Variants in FCHSD2 observed in about 807,000 individuals in gnomAD.
The protein encoded by FCHSD2 is F-BAR and double SH3 domains protein 2.
In FCHSD2, 38 loss-of-function variants were observed where a neutral mutation model predicts 108.1. The ratio of observed to expected loss-of-function variants is 0.35; its 90% CI spans 0.27 to 0.46. The LOEUF is 0.46. FCHSD2 is among the 20% of genes least tolerant of loss of function. The pLI, the probability that FCHSD2 is intolerant of heterozygous loss-of-function variation, is 1.00. For missense variants in FCHSD2, 751 were observed against 897.8 expected, an observed-to-expected ratio of 0.84 and a Z score of 2.09; for synonymous variants, 279 against 314.7, an observed-to-expected ratio of 0.89 and a Z score of 1.20.
chr11:73,112,988 T>C (rs909355111), intron 2 of FCHSD2, among the ~76,000 whole-genome samples: 2 of 152,146 alleles, frequency 1.3e-5, no homozygotes, highest in African/African-American at 4.8e-5. Context: ...TTGCAGCTAC[T>C]TTCTAGATCT....
chr11:73,082,335 C>CCAAAAAAAAAA (rs1466695525), intron 3 of FCHSD2, among the ~76,000 whole-genome samples: 1 of 34,462 alleles, frequency 2.9e-5, no homozygotes, highest in African/African-American at 1.1e-4. Context: ...AGACTTGTCC[C>CCAAAAAAAAAA]AAAAAAAAAA....
intron 3 of FCHSD2, among the ~76,000 whole-genome samples, chr11:73,082,578 T>C (rs1450888991): frequency 6.6e-6 from 1 of 151,988 alleles, no homozygotes; most frequent in Non-Finnish European, 1.5e-5. Context: ...CAGAATTTCA[T>C]TAAAAAATCT....
rs138831216 is a variant in FCHSD2 at position 72,867,924 on chromosome 11, G to A, written c.1249C>T (p.Leu417=). ...GGGCGGGCCCATCGCTCATTTTCCA[G>A]TTCTTCCATTACTTGGTTCATGGCA... ...KSAMNQVMEE[L]ENERWARPPA... The change falls in exon 13 of 20, where the codon CTG becomes TTG. Residue 417 remains leucine (L), a synonymous_variant. Transcript: ENST00000409418. 79 of 1,610,516 alleles carry A rather than the reference G, an allele frequency of 4.9e-5. No individual in the cohort carries two copies. Among genetic ancestry groups the A allele is most frequent in the Non-Finnish European group, 6.2e-5 (73 of 1,178,642 alleles).
In FCHSD2 at chr11:73,064,235, C is replaced by G. The variant is rs186122986; in HGVS notation, c.165+19460G>C. Among the ~76,000 whole-genome samples the G allele has an allele frequency of 7.2e-5, 11 of 152,012 alleles. No individual in the cohort carries two copies. In the East Asian group the frequency reaches 2.1e-3, roughly 29 times the overall value. Reference sequence around the variant, plus strand: ...CAGAAATAAAGATGTTCTTTGAAACCAATGAGAACAAAGACACAACGTGCC... The same window carrying G: ...CAGAAATAAAGATGTTCTTTGAAACGAATGAGAACAAAGACACAACGTGCC... On this transcript the variant is annotated intron_variant, in intron 3 of 19. Transcript: ENST00000409418.
At chr11:73,072,466 C>G (rs1859460167) in intron 3 of FCHSD2, among the ~76,000 whole-genome samples, 1 of 151,896 alleles carries the variant, frequency 6.6e-6, no homozygotes, top group Non-Finnish European at 1.5e-5. Context: ...ACTTAAAAAT[C>G]AAACTGTACC....
intron 3 of FCHSD2, among the ~76,000 whole-genome samples, chr11:73,065,213 C>T (rs1434418344): frequency 2.0e-5 from 3 of 152,082 alleles, no homozygotes; most frequent in Non-Finnish European, 2.9e-5. Context: ...ATATGCAAAT[C>T]GATAAATGTA....
chr11:72,922,037 T>G, intron 8 of FCHSD2, 87 bp from the exon 9 acceptor site: 1 of 883,740 alleles, frequency 1.1e-6, no homozygotes, highest in Non-Finnish European at 1.7e-6. Context: ...AGTAGGTATG[T>G]TCAGTTTAAA....
intron 2 of FCHSD2, among the ~76,000 whole-genome samples, chr11:73,113,090 G>C (rs1423036555): frequency 6.6e-6 from 1 of 151,862 alleles, no homozygotes; most frequent in Admixed American, 6.6e-5. Flanking sequence ...TCTTTATTCT[G>C]CTTGATAAAT....
rs1861271292 is a variant in FCHSD2, at chr11:73,142,243, G to A, written c.-366C>T. On this transcript the variant is annotated 5_prime_UTR_variant, in exon 1 of 20. Transcript: ENST00000409418. ...CGCAGCCGCGTTGTCCGCGCTCCCG[G>A]TCGGCCGCCTGCGCCGCCGCTCCCG... is the stretch of plus-strand genomic sequence containing the variant. 1 of 153,446 alleles carries A rather than the reference G, an allele frequency of 6.5e-6. No homozygotes were observed. The highest frequency in any genetic ancestry group is 2.5e-5 in the African/African-American group (1 of 39,250). 9.5% of individuals were successfully genotyped at this position (153,446 alleles called of 1,614,324 possible).
At chr11:72,928,750 T>G (rs528987693) in intron 8 of FCHSD2, among the ~76,000 whole-genome samples, 19 of 152,294 alleles carry the variant, frequency 1.2e-4, no homozygotes, top group Non-Finnish European at 1.8e-4. Flanking sequence ...ACTTTAAGTT[T>G]TAGGGTACAT....
At chr11:72,862,780 AAAG>A (rs1454076187) in intron 13 of FCHSD2, among the ~76,000 whole-genome samples, 1 of 152,196 alleles carries the variant, frequency 6.6e-6, no homozygotes, top group Non-Finnish European at 1.5e-5. Flanking sequence ...CAACTTTGAT[AAAG>A]AAGAAAGTTG....
intron 2 of FCHSD2, among the ~76,000 whole-genome samples, chr11:73,111,654 G>A (rs544801818): frequency 2.2e-4 from 33 of 151,474 alleles, no homozygotes; most frequent in African/African-American, 7.7e-4. Context: ...TTGGGTGTGT[G>A]GTCATCTCTT....
rs1238178631 is a variant in FCHSD2 at position 73,036,632 on chromosome 11, CT to C, written c.166-20748del. 6.6e-5 allele frequency among the ~76,000 whole-genome samples: 10 copies of C among 152,238 alleles called. No individual in the cohort carries two copies. The South Asian group carries it at 2.1e-3, about 32-fold the overall frequency. On this transcript the variant is annotated intron_variant, in intron 3 of 19. Coordinates refer to ENST00000409418, the MANE Select transcript of FCHSD2 (RefSeq NM_014824.3). Reference sequence around the variant, plus strand: ...GTCATTATTAAATGTAGAATCAAGTCTATAAATTTTAGTTCTACTTTGGGTA... The same window carrying C: ...GTCATTATTAAATGTAGAATCAAGTCATAAATTTTAGTTCTACTTTGGGTA...
intron 8 of FCHSD2, among the ~76,000 whole-genome samples, chr11:72,930,521 G>A (rs117298868): frequency 1.3e-5 from 2 of 152,318 alleles, no homozygotes; most frequent in East Asian, 3.9e-4. Context: ...GGATCAGGAG[G>A]ATCACCTGAG....
At chr11:72,909,995 C>A (rs1292300194) in intron 9 of FCHSD2, among the ~76,000 whole-genome samples, 1 of 149,442 alleles carries the variant, frequency 6.7e-6, no homozygotes. Flanking sequence ...TCTGCCCGGC[C>A]GCCCCATCTA....
chr11:73,012,331 T>C (rs767426237), intron 4 of FCHSD2, among the ~76,000 whole-genome samples: 1 of 152,212 alleles, frequency 6.6e-6, no homozygotes, highest in Non-Finnish European at 1.5e-5. Context: ...AAACTATGTA[T>C]GCCCATGTGT....
chr11:73,096,987 A>ATGTTTTTTTT (rs1860096435), intron 2 of FCHSD2, among the ~76,000 whole-genome samples: 1 of 27,018 alleles, frequency 3.7e-5, no homozygotes, highest in East Asian at 1.8e-3. Context: ...TCATTGATGG[A>ATGTTTTTTTT]TTTTTTTTTT....
intron 3 of FCHSD2, among the ~76,000 whole-genome samples, chr11:73,081,326 C>T (rs1043447333): frequency 1.5e-4 from 23 of 151,852 alleles, no homozygotes; most frequent in Non-Finnish European, 1.0e-4. Context: ...CCCAGCTATT[C>T]GGGAGGATGA....
At chr11:73,129,033 G>C (rs924442953) in intron 2 of FCHSD2, among the ~76,000 whole-genome samples, 1 of 151,984 alleles carries the variant, frequency 6.6e-6, no homozygotes, top group Non-Finnish European at 1.5e-5. Context: ...CACCGTGCCT[G>C]GCTAATTTTT....
Sources: allele counts gnomAD v4.1 joint callset (sites outside exome capture counted in the v4.1 genomes callset), GRCh38; gene constraint gnomAD v4.1.1; transcripts MANE v1.5; gene names NCBI Gene and HGNC (gene_info 2026-07-23, HGNC 2026-07-21).